Variants in CACNA2D3 observed in about 807,000 individuals in gnomAD.
CACNA2D3 encodes the protein voltage-dependent calcium channel subunit alpha-2/delta-3.
In CACNA2D3, 60 loss-of-function variants were observed where a neutral mutation model predicts 160.6. The observed-to-expected ratio is 0.37, with a 90% confidence interval of 0.30 to 0.46. CACNA2D3 has a LOEUF of 0.46. Among genes scored for constraint, CACNA2D3 ranks in the 20% least tolerant of loss-of-function variants. The pLI is 1.00. For missense variants in CACNA2D3, 1,205 were observed against 1,365.0 expected (o/e 0.88, Z 1.85); for synonymous variants, 558 against 492.9 (o/e 1.13, Z -1.75).
chr3:55,019,079 T>TTTTTCTTTCTTTCTTTC (rs1553632294), intron 35 of CACNA2D3, among the ~76,000 whole-genome samples: 1 of 146,652 alleles, frequency 6.8e-6, no homozygotes, highest in Non-Finnish European at 1.5e-5. Context: ...TGCATAGAAA[T>TTTTTCTTTCTTTCTTTC]TTTCTTTCTT....
At chr3:54,171,135 A>AATTTTTTTTT (rs1700557445) in intron 2 of CACNA2D3, among the ~76,000 whole-genome samples, 1 of 18,756 alleles carries the variant, frequency 5.3e-5, no homozygotes. Context: ...AAAGATGATG[A>AATTTTTTTTT]CTTTTTTTTT....
intron 4 of CACNA2D3, among the ~76,000 whole-genome samples, chr3:54,467,659 A>G (rs368065884): frequency 1.3e-5 from 2 of 152,350 alleles, no homozygotes; most frequent in East Asian, 1.9e-4. Context: ...TTTCAGTCAT[A>G]TATGGAATGT....
At chr3:54,758,732 G>A (rs1455250164) in intron 12 of CACNA2D3, among the ~76,000 whole-genome samples, 6 of 151,976 alleles carry the variant, frequency 3.9e-5, no homozygotes, top group African/African-American at 1.5e-4. Flanking sequence ...TTCTTACCTC[G>A]GCACCCTCTG....
intron 2 of CACNA2D3, among the ~76,000 whole-genome samples, chr3:54,263,613 A>G (rs1702443490): frequency 6.6e-6 from 1 of 152,212 alleles, no homozygotes; most frequent in Non-Finnish European, 1.5e-5. Context: ...TCTATGAAGC[A>G]GTGTGTGACA....
At chr3:54,413,408 CTA>C (rs1559474749) in intron 4 of CACNA2D3, among the ~76,000 whole-genome samples, 1 of 145,242 alleles carries the variant, frequency 6.9e-6, no homozygotes, top group East Asian at 2.0e-4. Flanking sequence ...CTATATATAT[CTA>C]TATATATAGA....
At chr3:54,216,731 G>A (rs1344643966) in intron 2 of CACNA2D3, among the ~76,000 whole-genome samples, 1 of 152,162 alleles carries the variant, frequency 6.6e-6, no homozygotes, top group Non-Finnish European at 1.5e-5. Context: ...TAACTGTTTT[G>A]TTTTTGTCAA....
intron 13 of CACNA2D3, among the ~76,000 whole-genome samples, chr3:54,795,570 T>C (rs1352089262): frequency 6.6e-6 from 1 of 152,234 alleles, no homozygotes; most frequent in Non-Finnish European, 1.5e-5. Context: ...TATATCACCT[T>C]GGCCCTTAAA....
intron 13 of CACNA2D3, among the ~76,000 whole-genome samples, chr3:54,793,134 G>C (rs1012438251): frequency 6.6e-6 from 1 of 152,216 alleles, no homozygotes; most frequent in Non-Finnish European, 1.5e-5. Context: ...GTGAGGGAGA[G>C]TAGAGGAGAT....
chr3:54,596,550 C>G (rs1204312078), intron 9 of CACNA2D3, among the ~76,000 whole-genome samples: 1 of 152,066 alleles, frequency 6.6e-6, no homozygotes, highest in African/African-American at 2.4e-5. Context: ...CAGAAGCGTC[C>G]CAGCTTGGAT....
intron 3 of CACNA2D3, among the ~76,000 whole-genome samples, chr3:54,330,900 C>G (rs752670473): frequency 2.6e-5 from 4 of 152,122 alleles, no homozygotes; most frequent in African/African-American, 4.8e-5. Context: ...TTGCTGTGGT[C>G]CACACGGGGG....
intron 4 of CACNA2D3, among the ~76,000 whole-genome samples, chr3:54,415,962 A>G (rs1699747161): frequency 6.6e-6 from 1 of 152,248 alleles, no homozygotes; most frequent in Non-Finnish European, 1.5e-5. Flanking sequence ...AAGTAATTCA[A>G]AAATAAATTT....
intron 4 of CACNA2D3, among the ~76,000 whole-genome samples, chr3:54,444,939 A>G (rs1252325122): frequency 6.6e-6 from 1 of 152,240 alleles, no homozygotes; most frequent in African/African-American, 2.4e-5. Flanking sequence ...TACACCCTCC[A>G]TGAAGCCGTC....
chr3:54,436,903 A>G (rs1032201533), intron 4 of CACNA2D3, among the ~76,000 whole-genome samples: 40 of 152,238 alleles, frequency 2.6e-4, no homozygotes, highest in African/African-American at 9.2e-4. Flanking sequence ...TATGAAAGGT[A>G]TACACATCAG....
At chr3:54,464,093 A>C (rs1440314862) in intron 4 of CACNA2D3, among the ~76,000 whole-genome samples, 1 of 152,160 alleles carries the variant, frequency 6.6e-6, no homozygotes, top group African/African-American at 2.4e-5. Context: ...GCAGTTTTTC[A>C]TGAACCACGA....
intron 13 of CACNA2D3, among the ~76,000 whole-genome samples, chr3:54,816,596 C>T (rs533077126): frequency 1.1e-3 from 166 of 152,290 alleles, no homozygotes; most frequent in Middle Eastern, 0.01. Flanking sequence ...TTACCAACTG[C>T]TTTGGATGTG....
At position 54,468,506 on chromosome 3, in the gene CACNA2D3, G is replaced by A. The variant is rs574908857; in HGVS notation, c.382-34986G>A. ...GTTTCAAGCACAAAATGGGGCAGCC[G>A]TTTGGTCAGACACTGAGCTAGCTGC... On this transcript the variant is annotated intron_variant, in intron 4 of 37. Coordinates refer to ENST00000474759, the MANE Select transcript of CACNA2D3 (RefSeq NM_018398.3). Among the ~76,000 whole-genome samples, 8 of 152,324 alleles carry A rather than the reference G, an allele frequency of 5.3e-5. No homozygotes were observed. The East Asian group carries it at 1.4e-3, about 26-fold the overall frequency.
At chr3:54,290,212 G>GA (rs1300411692) in intron 2 of CACNA2D3, among the ~76,000 whole-genome samples, 2 of 152,076 alleles carry the variant, frequency 1.3e-5, no homozygotes, top group Admixed American at 6.5e-5. Context: ...AAATTTACAA[G>GA]AAAAAAACAA....
At chr3:54,469,972 G>A (rs867046956) in intron 4 of CACNA2D3, among the ~76,000 whole-genome samples, 1 of 152,198 alleles carries the variant, frequency 6.6e-6, no homozygotes, top group Non-Finnish European at 1.5e-5. Flanking sequence ...ACCTGAAAGT[G>A]ATGGGGAGAA....
chr3:54,477,394 G>A (rs1245506764), intron 4 of CACNA2D3, among the ~76,000 whole-genome samples: 7 of 152,170 alleles, frequency 4.6e-5, no homozygotes, highest in Admixed American at 4.6e-4. Context: ...GGAGCAGACT[G>A]CCTCCCGTTA....
Sources: gnomAD v4.1 joint callset for allele counts (sites outside exome capture counted in the v4.1 genomes callset) on GRCh38, gnomAD v4.1.1 for gene constraint, MANE v1.5 for transcripts, NCBI Gene and HGNC (gene_info 2026-07-23, HGNC 2026-07-21) for gene names.